ADAM19: variants seen among roughly 807,000 people sequenced by gnomAD.
ADAM19 encodes disintegrin and metalloproteinase domain-containing protein 19.
ADAM19 carries 65 observed loss-of-function variants against 114.7 expected under a neutral mutation model. The ratio of observed to expected loss-of-function variants is 0.57; its 90% CI spans 0.46 to 0.70. The LOEUF is 0.70. Ranked by LOEUF, ADAM19 falls within the 30% of genes least tolerant of loss-of-function variation. ADAM19 has a pLI of 0.00. For synonymous variants in ADAM19, 466 were observed against 460.5 expected, an observed-to-expected ratio of 1.01 and a Z score of -0.15; for missense variants, 1,063 against 1,204.7, an observed-to-expected ratio of 0.88 and a Z score of 1.74.
At chr5:157,519,448 C>A (rs1042566531) in intron 6 of ADAM19, among the ~76,000 whole-genome samples, 2 of 152,190 alleles carry the variant, frequency 1.3e-5, no homozygotes, top group Non-Finnish European at 2.9e-5. Context: ...TCATGCCCAG[C>A]TAATTTTTGT....
At chr5:157,521,119 G>GT (rs1442181698) in intron 5 of ADAM19, among the ~76,000 whole-genome samples, 2 of 152,186 alleles carry the variant, frequency 1.3e-5, no homozygotes, top group Non-Finnish European at 2.9e-5. Context: ...TGCTTCAACT[G>GT]TTACATCACC....
intron 11 of ADAM19, 85 bp downstream of exon 11, chr5:157,505,584 G>A: frequency 6.8e-7 from 1 of 1,470,972 alleles, no homozygotes. Flanking sequence ...GAGTCTCAGT[G>A]GGGCCAGCTG....
intron 22 of ADAM19, chr5:157,481,487 G>T: frequency 2.1e-6 from 2 of 952,570 alleles, no homozygotes; most frequent in Non-Finnish European, 3.0e-6. Flanking sequence ...GCTCATCATA[G>T]CCTCTGTACA....
intron 11 of ADAM19, among the ~76,000 whole-genome samples, chr5:157,503,209 G>A (rs1235953249): frequency 6.6e-6 from 1 of 152,128 alleles, no homozygotes; most frequent in Non-Finnish European, 1.5e-5. Flanking sequence ...GGATGAAGCT[G>A]GAAACCATCA....
chr5:157,484,375 G>GT (rs920241879), intron 21 of ADAM19, among the ~76,000 whole-genome samples: 78 of 152,270 alleles, frequency 5.1e-4, no homozygotes, highest in African/African-American at 1.9e-3. Context: ...CTAGTATACA[G>GT]TAGGTGCTCA....
intron 3 of ADAM19, among the ~76,000 whole-genome samples, chr5:157,555,693 G>GT (rs566509452): frequency 2.8e-4 from 42 of 152,328 alleles, no homozygotes; most frequent in Non-Finnish European, 4.9e-4. Context: ...CCTGGGGCTA[G>GT]TGTGTAATAA....
intron 3 of ADAM19, among the ~76,000 whole-genome samples, chr5:157,550,753 A>T (rs1467278262): frequency 6.6e-6 from 1 of 151,996 alleles, no homozygotes; most frequent in African/African-American, 2.4e-5. Context: ...AATCAACTCA[A>T]TGGTGTGTTT....
Position 157,505,725 on chromosome 5 carries a change from T to C in ADAM19, c.1074A>G (p.Ala358=), listed in dbSNP as rs752114370. ...CAGCCGCACTGGCCGAGCAGCAATC[T>C]GCAGAATCATGGGTCATGCCAAAGT... is the stretch of plus-strand genomic sequence containing the variant. ...GHNFGMTHDS[A]DCCSASAADG... is the part of the protein sequence containing the mutation. Residue 358 remains alanine (A), a synonymous_variant, in exon 11 of 23, where the codon GCA becomes GCG. Transcript: ENST00000257527. 6.2e-7 allele frequency: 1 copy of C among 1,614,166 alleles called. No homozygotes were observed.
At chr5:157,556,219 T>TC (rs1757364232) in intron 3 of ADAM19, among the ~76,000 whole-genome samples, 8 of 130,648 alleles carry the variant, frequency 6.1e-5, no homozygotes, top group South Asian at 2.7e-4. Flanking sequence ...CTTTTTTTTT[T>TC]TTTTTTTTTT....
intron 12 of ADAM19, 140 bp downstream of exon 12, chr5:157,502,663 T>C: frequency 1.1e-6 from 1 of 920,864 alleles, no homozygotes; most frequent in African/African-American, 1.6e-5. Context: ...TCTTCATATC[T>C]GATTTTTCAT....
chr5:157,537,882 G>A, intron 4 of ADAM19, 31 bp downstream of exon 4: 1 of 1,589,838 alleles, frequency 6.3e-7, no homozygotes, highest in Non-Finnish European at 8.6e-7. Context: ...GAGGACAGCT[G>A]CTGGATAGAC....
chr5:157,480,324 C>T lies in ADAM19; in HGVS notation c.*625G>A. On this transcript the variant is annotated 3_prime_UTR_variant, in exon 23 of 23. Transcript: ENST00000257527. ...TAGTACCTGTCTGAGTCAGAGTGACCCGTGTGAATACAGGGATGCAGGGGT... is the reference window on the plus strand; with the variant it reads ...TAGTACCTGTCTGAGTCAGAGTGACTCGTGTGAATACAGGGATGCAGGGGT... 2.0e-6 allele frequency: 2 copies of T among 986,418 alleles called. No homozygotes were observed. Among genetic ancestry groups the T allele is most frequent in the Non-Finnish European group, 1.2e-6 (1 of 830,610 alleles). The allele number at this position is 986,418 out of a possible 1,614,324, so 61.1% of individuals were successfully genotyped here.
In ADAM19 at chr5:157,480,826, G is replaced by T; in HGVS notation, c.*123C>A. The T allele has an allele frequency of 1.4e-5, 22 of 1,521,574 alleles. No individual in the cohort carries two copies. The highest frequency in any genetic ancestry group is 1.8e-5 in the Non-Finnish European group (21 of 1,139,124). 94.3% of individuals were successfully genotyped at this position (1,521,574 alleles called of 1,614,324 possible). A position where few individuals can be genotyped will look rare whatever the true frequency, so the allele number is the denominator to read the frequency against. On this transcript the variant is annotated 3_prime_UTR_variant, in exon 23 of 23. Coordinates refer to ENST00000257527, the MANE Select transcript of ADAM19 (RefSeq NM_033274.5). ...CAGGGAGATTTTTGGAGATGTGGAG[G>T]TTCCTGGAGGAGGGTGGGAGGAGCT...
intron 12 of ADAM19, among the ~76,000 whole-genome samples, chr5:157,499,874 T>G (rs9313615): frequency 0.7 from 105,734 of 150,124 alleles, 38,101 homozygotes; most frequent in East Asian, 0.93. Flanking sequence ...TGCTTCCTGG[T>G]TTCAAGCGAT....
chr5:157,539,434 C>T (rs142048392), intron 3 of ADAM19, among the ~76,000 whole-genome samples: 384 of 152,242 alleles, frequency 2.5e-3, no homozygotes, highest in Non-Finnish European at 3.5e-3. Context: ...AGAGGGTCAT[C>T]GCAGAGGGTC....
intron 3 of ADAM19, among the ~76,000 whole-genome samples, chr5:157,559,361 G>A (rs1757453785): frequency 6.6e-6 from 1 of 152,180 alleles, no homozygotes; most frequent in Non-Finnish European, 1.5e-5. Flanking sequence ...GATACTAGAA[G>A]ACAGAAGCAT....
In ADAM19 at chr5:157,480,549, C is replaced by T. The variant is rs1754714649; in HGVS notation, c.*400G>A. 9.7e-7 allele frequency: 1 copy of T among 1,026,878 alleles called. No homozygotes were observed. The highest frequency in any genetic ancestry group is 1.7e-5 in the African/African-American group (1 of 58,314). The allele number at this position is 1,026,878 out of a possible 1,614,324, so 63.6% of individuals were successfully genotyped here. A position where few individuals can be genotyped will look rare whatever the true frequency, so the allele number is the denominator to read the frequency against. ...AGGAGAGCAGAAGCAATGGGAAGCT[C>T]TCTTGCGTGCCCTGCACCCCAGGAG... On this transcript the variant is annotated 3_prime_UTR_variant, in exon 23 of 23. Coordinates refer to ENST00000257527, the MANE Select transcript of ADAM19 (RefSeq NM_033274.5).
At chr5:157,503,933 C>T (rs912144250) in intron 11 of ADAM19, among the ~76,000 whole-genome samples, 2 of 152,150 alleles carry the variant, frequency 1.3e-5, no homozygotes, top group Non-Finnish European at 1.5e-5. Context: ...ACAAATAGTA[C>T]AGCCATCTGG....
intron 9 of ADAM19, 115 bp from the exon 10 acceptor site, chr5:157,507,255 C>A: frequency 1.0e-6 from 1 of 991,938 alleles, no homozygotes. Flanking sequence ...TTTCCCAGGT[C>A]ATTCCCAAGG....
Sources: allele counts gnomAD v4.1 joint callset (sites outside exome capture counted in the v4.1 genomes callset), GRCh38; gene constraint gnomAD v4.1.1; transcripts MANE v1.5; gene names NCBI Gene and HGNC (gene_info 2026-07-23, HGNC 2026-07-21).